The following ATP10B variants were observed in gnomAD, a reference collection of about 807,000 sequenced individuals.
ATP10B encodes phospholipid-transporting ATPase VB.
A neutral mutation model predicts 141.2 loss-of-function variants in ATP10B; 122 were observed. The ratio of observed to expected loss-of-function variants is 0.86; its 90% CI spans 0.75 to 1.00. The LOEUF (loss-of-function observed/expected upper bound fraction) is 1.00, where lower values mean the gene tolerates loss of function less well. Ranked by LOEUF, ATP10B falls within the 50% of genes least tolerant of loss-of-function variation. The pLI is 0.00. For missense variants in ATP10B, 1,876 were observed against 1,825.3 expected (o/e 1.03, Z -0.51); for synonymous variants, 685 against 692.0 (o/e 0.99, Z 0.16).
intron 2 of ATP10B, among the ~76,000 whole-genome samples, chr5:160,720,417 T>C (rs1369732974): frequency 6.6e-6 from 1 of 152,222 alleles, no homozygotes; most frequent in Non-Finnish European, 1.5e-5. Flanking sequence ...CTTTCTTTCC[T>C]GGGAAATATG....
Position 160,602,899 on chromosome 5 carries a change from T to C in ATP10B, c.3238-197A>G. On this transcript the variant is annotated intron_variant, in intron 20 of 25. Transcript: ENST00000327245. ...CTGGGAAATCCAAACCTCTCTAGAATCCAAGGAGGGCAGATCAGAAGGGAT... is the reference window on the plus strand; with the variant it reads ...CTGGGAAATCCAAACCTCTCTAGAACCCAAGGAGGGCAGATCAGAAGGGAT... 7.0e-6 allele frequency: 4 copies of C among 570,714 alleles called. No homozygotes were observed. In the South Asian group the frequency reaches 8.0e-5, roughly 11 times the overall value. The allele number at this position is 570,714 out of a possible 1,614,324, so 35.4% of individuals were successfully genotyped here.
At chr5:160,862,246 G>A in the ATP10B span, among the ~76,000 whole-genome samples, 2 of 151,932 alleles carry the variant, frequency 1.3e-5, no homozygotes, top group African/African-American at 2.4e-5. Context: ...TTAAACAGGA[G>A]AGATTATTTT....
At chr5:160,788,013 C>A (rs1283786204) in intron 1 of ATP10B, among the ~76,000 whole-genome samples, 1 of 152,108 alleles carries the variant, frequency 6.6e-6, no homozygotes, top group Admixed American at 6.5e-5. Context: ...AAAGTTTTGC[C>A]CCTGTCCTCA....
rs557155878 is a variant in ATP10B, at chr5:160,688,767, C to T, written c.-28G>A. ...CATTTTCCAGAAACTCACCTGTGGC[C>T]GGAACCTCAAAGGAGAGTGATAAGT... On this transcript the variant is annotated 5_prime_UTR_variant, in exon 4 of 26. Coordinates refer to ENST00000327245, the MANE Select transcript of ATP10B (RefSeq NM_025153.3). 17 of 985,356 alleles carry T rather than the reference C, an allele frequency of 1.7e-5. No individual in the cohort carries two copies. The highest frequency in any genetic ancestry group is 6.1e-5 in the Admixed American group (1 of 16,282). The allele number at this position is 985,356 out of a possible 1,614,324, so 61.0% of individuals were successfully genotyped here.
At chr5:160,645,794 T>C (rs1002439553) in intron 8 of ATP10B, among the ~76,000 whole-genome samples, 3 of 152,228 alleles carry the variant, frequency 2.0e-5, no homozygotes, top group Non-Finnish European at 4.4e-5. Flanking sequence ...ATACTTCTTA[T>C]CGCTAAGTCC....
At chr5:160,909,177 C>A in the ATP10B span, among the ~76,000 whole-genome samples, 1 of 152,124 alleles carries the variant, frequency 6.6e-6, no homozygotes, top group African/African-American at 2.4e-5. Flanking sequence ...GCCCAGATGG[C>A]ACTTCAGCCC....
intron 11 of ATP10B, 34 bp downstream of exon 11, chr5:160,636,148 C>G (rs774274819): frequency 1.9e-6 from 3 of 1,564,576 alleles, no homozygotes. Flanking sequence ...GGCCACATAT[C>G]TTATTGGGCC....
At chr5:160,748,598 G>A (rs887099519) in intron 2 of ATP10B, among the ~76,000 whole-genome samples, 3 of 152,174 alleles carry the variant, frequency 2.0e-5, no homozygotes, top group African/African-American at 7.2e-5. Context: ...TCCTGCAGGG[G>A]TGCTTCAAGG....
chr5:160,801,613 G>C (rs921273057), intron 1 of ATP10B, among the ~76,000 whole-genome samples: 7 of 152,118 alleles, frequency 4.6e-5, no homozygotes, highest in African/African-American at 1.7e-4. Context: ...TGTATTAAAT[G>C]CATGACTACT....
chr5:160,723,977 G>A (rs1384079992), intron 2 of ATP10B, among the ~76,000 whole-genome samples: 1 of 152,158 alleles, frequency 6.6e-6, no homozygotes, highest in East Asian at 1.9e-4. Context: ...TATGTCCTTT[G>A]CGGGGACATG....
the ATP10B span, among the ~76,000 whole-genome samples, chr5:160,891,123 T>C: frequency 6.6e-6 from 1 of 152,240 alleles, no homozygotes; most frequent in Non-Finnish European, 1.5e-5. Flanking sequence ...TTTTCTGTAC[T>C]GTAATTCTGT....
chr5:160,717,769 T>C (rs148952862), intron 2 of ATP10B, among the ~76,000 whole-genome samples: 196 of 152,320 alleles, frequency 1.3e-3, no homozygotes, highest in Non-Finnish European at 2.3e-3. Flanking sequence ...TCCATACTTG[T>C]CTGACTTCAG....
chr5:160,900,032 T>G, the ATP10B span, among the ~76,000 whole-genome samples: 1 of 152,084 alleles, frequency 6.6e-6, no homozygotes, highest in African/African-American at 2.4e-5. Context: ...TCGTTGTGGT[T>G]GTTGTGTTAT....
the ATP10B span, among the ~76,000 whole-genome samples, chr5:160,886,545 G>A: frequency 7.6e-4 from 115 of 152,238 alleles, no homozygotes; most frequent in Non-Finnish European, 1.3e-3. Flanking sequence ...TTAAAAACCC[G>A]GCAAGGTCAT....
At chr5:160,653,778 A>G (rs1300801374) in intron 7 of ATP10B, among the ~76,000 whole-genome samples, 1 of 119,616 alleles carries the variant, frequency 8.4e-6, no homozygotes, top group Non-Finnish European at 1.5e-5. Flanking sequence ...ATATACATAT[A>G]TACATATATA....
At chr5:160,726,100 C>CGG (rs1561792369) in intron 2 of ATP10B, among the ~76,000 whole-genome samples, 1 of 152,124 alleles carries the variant, frequency 6.6e-6, no homozygotes, top group Admixed American at 6.5e-5. Context: ...CACTGAGAGA[C>CGG]GCGCGAGCCT....
the ATP10B span, among the ~76,000 whole-genome samples, chr5:160,913,919 A>C: frequency 6.6e-6 from 1 of 152,230 alleles, no homozygotes; most frequent in Non-Finnish European, 1.5e-5. Flanking sequence ...AGAGATTTGC[A>C]GCAATTCAAG....
chr5:160,649,407 A>G, intron 7 of ATP10B, 151 bp from the exon 8 acceptor site: 4 of 604,270 alleles, frequency 6.6e-6, no homozygotes, highest in Non-Finnish European at 1.2e-5. Context: ...CAGAAAAAAA[A>G]GTTAAGTCCT....
At position 160,830,617 on chromosome 5, in the gene ATP10B, A is replaced by G. The variant is rs79051824; in HGVS notation, c.-576+21324T>C. ...AAACACTGTTGATTTCATGTAATCT[A>G]TGTTCATTAGAAATTGAGCCAAATT... On this transcript the variant is annotated intron_variant, in intron 1 of 25. Coordinates refer to ENST00000327245, the MANE Select transcript of ATP10B (RefSeq NM_025153.3). 6.0e-3 allele frequency among the ~76,000 whole-genome samples: 913 copies of G among 152,138 alleles called. 13 individuals carry two copies. The highest frequency in any genetic ancestry group is 0.021 in the African/African-American group (869 of 41,528).
Sources: gnomAD v4.1 joint callset for allele counts (sites outside exome capture counted in the v4.1 genomes callset) on GRCh38, gnomAD v4.1.1 for gene constraint, MANE v1.5 for transcripts, NCBI Gene and HGNC (gene_info 2026-07-23, HGNC 2026-07-21) for gene names.